Variants in ZNF618 observed in about 807,000 individuals in gnomAD.
ZNF618 encodes zinc finger protein 618.
A neutral mutation model predicts 103.0 loss-of-function variants in ZNF618; 34 were observed. That is an observed-to-expected ratio of 0.33 (90% confidence interval 0.25 to 0.44). The LOEUF is 0.44. Ranked by LOEUF, ZNF618 falls within the 20% of genes least tolerant of loss-of-function variation. The probability of loss-of-function intolerance (pLI) is 1.00; values close to 1 mark genes in which losing one functional copy is unlikely to be tolerated. For synonymous variants in ZNF618, 551 were observed against 542.2 expected (o/e 1.02, Z -0.23); for missense variants, 1,059 against 1,295.4 (o/e 0.82, Z 2.80).
rs762621125 is a variant in ZNF618 at position 114,049,084 on chromosome 9, T to G, written c.1782T>G (p.Leu594=). ...CGGACATTCGCGACAGCGGTGACCT[T>G]GTGCACCACTGGGTGCAGAACGTGC... ...KGADIRDSGD[L]VHHWVQNVLS... is the part of the protein sequence containing the mutation. Residue 594 remains leucine, a synonymous_variant, in exon 15 of 15, where the codon CTT becomes CTG. Transcript: ENST00000374126. 2 of 1,613,854 alleles carry G rather than the reference T, an allele frequency of 1.2e-6. No individual in the cohort carries two copies. Among genetic ancestry groups the G allele is most frequent in the South Asian group, 2.2e-5 (2 of 91,086 alleles).
At chr9:113,948,030 G>C (rs1564202428) in intron 1 of ZNF618, among the ~76,000 whole-genome samples, 3 of 152,188 alleles carry the variant, frequency 2.0e-5, no homozygotes. Flanking sequence ...CAATGGCAGA[G>C]CTGGGTAGAT....
At chr9:113,961,256 T>C (rs1008320799) in intron 1 of ZNF618, among the ~76,000 whole-genome samples, 3 of 152,214 alleles carry the variant, frequency 2.0e-5, no homozygotes, top group Admixed American at 1.3e-4. Context: ...GTGGTAATTA[T>C]AAACTGATTG....
intron 1 of ZNF618, among the ~76,000 whole-genome samples, chr9:113,956,007 C>T (rs1318954834): frequency 1.3e-5 from 2 of 151,676 alleles, no homozygotes; most frequent in Admixed American, 6.6e-5. Flanking sequence ...GTCAGTAGTT[C>T]GAGACCAACC....
At chr9:113,942,338 C>G (rs1834632152) in intron 1 of ZNF618, among the ~76,000 whole-genome samples, 1 of 151,926 alleles carries the variant, frequency 6.6e-6, no homozygotes, top group African/African-American at 2.4e-5. Context: ...CCTCTTCCCT[C>G]TCTTCTTTTT....
chr9:113,948,813 G>A, intron 1 of ZNF618, among the ~76,000 whole-genome samples: 1 of 152,212 alleles, frequency 6.6e-6, no homozygotes, highest in Non-Finnish European at 1.5e-5. Flanking sequence ...CAGGAAGAAA[G>A]CAGTGCCCCC....
intron 7 of ZNF618, 78 bp downstream of exon 7, chr9:114,007,517 G>A (rs775743713): frequency 2.5e-5 from 34 of 1,379,116 alleles, no homozygotes; most frequent in Middle Eastern, 2.1e-4. Context: ...AGCCCTCCCC[G>A]CCTCCCTCCT....
chr9:113,989,074 A>G (rs535242487), intron 3 of ZNF618, among the ~76,000 whole-genome samples: 2 of 152,304 alleles, frequency 1.3e-5, no homozygotes, highest in South Asian at 4.1e-4. Context: ...CTCACATCTT[A>G]GCAACAATTT....
chr9:113,909,726 G>C (rs1831332112), intron 1 of ZNF618, among the ~76,000 whole-genome samples: 1 of 152,066 alleles, frequency 6.6e-6, no homozygotes, highest in Admixed American at 6.5e-5. Context: ...TCTGGTGCTT[G>C]CATGCGGATG....
chr9:114,048,546 T>TGGGA, intron 14 of ZNF618, 105 bp from the exon 15 acceptor site: 1 of 1,213,828 alleles, frequency 8.2e-7, no homozygotes, highest in East Asian at 2.4e-5. Context: ...AGAGGAAATA[T>TGGGA]ATTTGCCATT....
rs1174924395 is a variant in ZNF618 at position 114,056,149 on chromosome 9, T to C, written c.*5982T>C. 2.0e-5 allele frequency: 3 copies of C among 152,416 alleles called. No individual in the cohort carries two copies. The highest frequency in any genetic ancestry group is 2.9e-5 in the Non-Finnish European group (2 of 67,998). The allele number at this position is 152,416 out of a possible 1,614,324, so 9.4% of individuals were successfully genotyped here. Reference sequence around the variant, plus strand: ...ACCCCCGAGACCAAACTTGAGGGTTTATTTAGGGTTTTCTGTTTGTCCTTT... The same window carrying C: ...ACCCCCGAGACCAAACTTGAGGGTTCATTTAGGGTTTTCTGTTTGTCCTTT... On this transcript the variant is annotated 3_prime_UTR_variant, in exon 15 of 15. Transcript: ENST00000374126.
chr9:113,914,215 G>A (rs552033283), intron 1 of ZNF618, among the ~76,000 whole-genome samples: 20 of 152,246 alleles, frequency 1.3e-4, no homozygotes, highest in South Asian at 1.0e-3. Context: ...CTGTAAATGG[G>A]ATAAATTGGC....
chr9:114,027,289 G>A lies in ZNF618; in HGVS notation c.845-1444G>A, dbSNP rs375006291. Among the ~76,000 whole-genome samples the A allele has an allele frequency of 3.3e-5, 5 of 152,170 alleles. No homozygotes were observed. In the East Asian group the frequency reaches 7.7e-4, roughly 23 times the overall value. ...GAGAGTCCCAAGAGTGGCAGCTCAG[G>A]TCACAAGGGACACAAGTGTTTTCCG... On this transcript the variant is annotated intron_variant, in intron 10 of 14. Transcript: ENST00000374126.
rs1216885174 is a variant in ZNF618, at chr9:114,055,609, A to AC, written c.*5447dup. ...CCCCACTCAGTAACCACGTGCGTGC[A>AC]CCCCCGCATCCTTTCTCAGTAGTTA... On this transcript the variant is annotated 3_prime_UTR_variant, in exon 15 of 15. Transcript: ENST00000374126. 1 of 138,376 alleles carries AC rather than the reference A, an allele frequency of 7.2e-6. No individual in the cohort carries two copies. The highest frequency in any genetic ancestry group is 1.6e-5 in the Non-Finnish European group (1 of 64,108). The allele number at this position is 138,376 out of a possible 1,614,324, so 8.6% of individuals were successfully genotyped here. A position where few individuals can be genotyped will look rare whatever the true frequency, so the allele number is the denominator to read the frequency against.
intron 10 of ZNF618, among the ~76,000 whole-genome samples, chr9:114,023,395 A>T (rs1017360329): frequency 1.3e-5 from 2 of 152,116 alleles, no homozygotes; most frequent in Non-Finnish European, 2.9e-5. Context: ...ACAATGGCAT[A>T]CTTCCCATTT....
At chr9:113,878,319 T>G (rs1350881815) in intron 1 of ZNF618, among the ~76,000 whole-genome samples, 1 of 152,136 alleles carries the variant, frequency 6.6e-6, no homozygotes, top group East Asian at 1.9e-4. Context: ...AGAAATGTGA[T>G]ATAACACCAA....
intron 1 of ZNF618, among the ~76,000 whole-genome samples, chr9:113,922,681 C>G (rs1022134869): frequency 2.0e-5 from 3 of 152,172 alleles, no homozygotes; most frequent in African/African-American, 7.2e-5. Context: ...TTCACCAACA[C>G]TACACTGTCT....
intron 1 of ZNF618, among the ~76,000 whole-genome samples, chr9:113,892,587 A>G (rs942703363): frequency 2.6e-5 from 4 of 152,248 alleles, no homozygotes; most frequent in African/African-American, 9.6e-5. Flanking sequence ...CATGCAAGAA[A>G]TATTTATGTC....
At chr9:114,005,524 C>A (rs1409135658) in intron 6 of ZNF618, among the ~76,000 whole-genome samples, 1 of 152,196 alleles carries the variant, frequency 6.6e-6, no homozygotes, top group Non-Finnish European at 1.5e-5. Flanking sequence ...TCAGGCCCAG[C>A]TGGCCAGGGA....
intron 2 of ZNF618, among the ~76,000 whole-genome samples, chr9:113,971,683 A>G (rs1588193791): frequency 1.3e-5 from 2 of 152,214 alleles, no homozygotes; most frequent in African/African-American, 2.4e-5. Context: ...CCAGAGAAGA[A>G]CAGGCAGGTT....
Sources: allele counts gnomAD v4.1 joint callset (sites outside exome capture counted in the v4.1 genomes callset), GRCh38; gene constraint gnomAD v4.1.1; transcripts MANE v1.5; gene names NCBI Gene and HGNC (gene_info 2026-07-23, HGNC 2026-07-21).